The following HECW1 variants were observed in gnomAD, a reference collection of about 807,000 sequenced individuals.
HECW1 encodes the protein HECT, C2 and WW domain containing E3 ubiquitin protein ligase 1.
A neutral mutation model predicts 182.3 loss-of-function variants in HECW1; 61 were observed. The observed-to-expected ratio is 0.33, with a 90% CI of 0.27 to 0.41. The LOEUF (loss-of-function observed/expected upper bound fraction) is 0.41, where lower values mean the gene tolerates loss of function less well. Among genes scored for constraint, HECW1 ranks in the 10% least tolerant of loss-of-function variants. The probability of loss-of-function intolerance (pLI) is 1.00; values close to 1 mark genes in which losing one functional copy is unlikely to be tolerated. For synonymous variants in HECW1, 859 were observed against 832.6 expected (o/e 1.03, Z -0.55); for missense variants, 1,739 against 2,108.9 (o/e 0.82, Z 3.44).
At chr7:43,217,840 G>T (rs1192806813) in intron 2 of HECW1, among the ~76,000 whole-genome samples, 2 of 152,210 alleles carry the variant, frequency 1.3e-5, no homozygotes, top group African/African-American at 2.4e-5. Flanking sequence ...TGGTCACTGA[G>T]CATCTAATTA....
chr7:43,434,631 C>T (rs910436400), intron 8 of HECW1, among the ~76,000 whole-genome samples: 1 of 152,192 alleles, frequency 6.6e-6, no homozygotes, highest in Admixed American at 6.5e-5. Flanking sequence ...TAGTTCTTAA[C>T]AGAGCCTGAC....
At position 43,243,014 on chromosome 7, in the gene HECW1, C is replaced by T. The variant is rs2152719278; in HGVS notation, c.-31-861C>T. Among the ~76,000 whole-genome samples the T allele has an allele frequency of 6.6e-6, 1 of 152,202 alleles. No homozygotes were observed. The highest frequency in any genetic ancestry group is 1.9e-4 in the East Asian group (1 of 5,190). ...ATGCAAGCTTGCTACTTGTTTCTTA[C>T]ACGACTTCATTTGTCAGCAAAGCTT... is the stretch of plus-strand genomic sequence containing the variant. On this transcript the variant is annotated intron_variant, in intron 2 of 29. Coordinates refer to ENST00000395891, the MANE Select transcript of HECW1 (RefSeq NM_015052.5). The surrounding 1 kb of genome is among the most constrained non-coding windows in gnomAD (Gnocchi z 4.0).
intron 24 of HECW1, among the ~76,000 whole-genome samples, chr7:43,524,105 A>G (rs2080654547): frequency 6.6e-6 from 1 of 152,222 alleles, no homozygotes; most frequent in Admixed American, 6.5e-5. Context: ...CCCACCCCAT[A>G]GAGTCTGATC....
At chr7:43,137,101 A>G (rs911888640) in intron 2 of HECW1, among the ~76,000 whole-genome samples, 1 of 152,206 alleles carries the variant, frequency 6.6e-6, no homozygotes, top group African/African-American at 2.4e-5. Flanking sequence ...GAGGTTATCC[A>G]GAATTCCACT....
chr7:43,430,594 G>A (rs139633905), intron 8 of HECW1, among the ~76,000 whole-genome samples: 15 of 152,174 alleles, frequency 9.9e-5, no homozygotes, highest in African/African-American at 2.4e-4. Flanking sequence ...TGTTTAAGCC[G>A]ATTTGTCTAT....
chr7:43,276,009 G>A (rs1321348455), intron 3 of HECW1, among the ~76,000 whole-genome samples: 1 of 152,164 alleles, frequency 6.6e-6, no homozygotes, highest in Non-Finnish European at 1.5e-5. Context: ...CAGAGGCAGA[G>A]GTTTAAGGAA....
At chr7:43,480,657 GTA>G (rs1262308104) in intron 17 of HECW1, among the ~76,000 whole-genome samples, 3 of 148,116 alleles carry the variant, frequency 2.0e-5, no homozygotes, top group Admixed American at 6.7e-5. Context: ...GTGTGTGTGT[GTA>G]TATATATACA....
chr7:43,143,294 A>G (rs996227742), intron 2 of HECW1, among the ~76,000 whole-genome samples: 2 of 150,610 alleles, frequency 1.3e-5, no homozygotes, highest in East Asian at 4.0e-4. Flanking sequence ...TTTTTTATAT[A>G]TTGTTTTGAG....
chr7:43,112,895 C>A lies in HECW1; in HGVS notation c.-309C>A. 1 of 221,210 alleles carries A rather than the reference C, an allele frequency of 4.5e-6. No individual in the cohort carries two copies. Among genetic ancestry groups the A allele is most frequent in the Non-Finnish European group, 9.1e-6 (1 of 110,336 alleles). The allele number at this position is 221,210 out of a possible 1,614,324, so 13.7% of individuals were successfully genotyped here. A position where few individuals can be genotyped will look rare whatever the true frequency, so the allele number is the denominator to read the frequency against. ...GTGCGCCCCCCAGCTCTAATCTGCG[C>A]GCTGACAGGAGCATGATCTGTGCCC... On this transcript the variant is annotated 5_prime_UTR_variant, in exon 1 of 30. Transcript: ENST00000395891.
intron 3 of HECW1, among the ~76,000 whole-genome samples, chr7:43,277,757 A>T (rs2152745460): frequency 6.6e-6 from 1 of 151,592 alleles, no homozygotes; most frequent in East Asian, 1.9e-4. Context: ...GTTCCTTCCT[A>T]CTCCCTCAGT....
intron 2 of HECW1, among the ~76,000 whole-genome samples, chr7:43,225,114 C>T (rs1797309018): frequency 6.6e-6 from 1 of 152,152 alleles, no homozygotes; most frequent in South Asian, 2.1e-4. Context: ...TGTCAGGGGC[C>T]TGGAGATCCT....
At chr7:43,542,081 A>G in intron 26 of HECW1, 83 bp downstream of exon 26, 1 of 1,236,268 alleles carries the variant, frequency 8.1e-7, no homozygotes, top group East Asian at 2.8e-5. Context: ...CATCTTAATC[A>G]TTTTTAAGTG....
At chr7:43,354,624 A>G (rs561769711) in intron 5 of HECW1, among the ~76,000 whole-genome samples, 22 of 152,188 alleles carry the variant, frequency 1.4e-4, no homozygotes, top group Non-Finnish European at 2.9e-4. Context: ...GAAAAAAGAA[A>G]AAACAATAAA....
At chr7:43,534,029 C>T (rs763625100) in intron 24 of HECW1, among the ~76,000 whole-genome samples, 2 of 152,092 alleles carry the variant, frequency 1.3e-5, no homozygotes, top group African/African-American at 2.4e-5. Context: ...AGTTTAATGC[C>T]GGGAAATCAA....
intron 2 of HECW1, among the ~76,000 whole-genome samples, chr7:43,172,871 G>T (rs1791832112): frequency 6.6e-6 from 1 of 152,156 alleles, no homozygotes; most frequent in Non-Finnish European, 1.5e-5. Flanking sequence ...TTTTACTCAG[G>T]ATAGAACAAA....
At chr7:43,199,047 G>A (rs1425605388) in intron 2 of HECW1, among the ~76,000 whole-genome samples, 2 of 152,176 alleles carry the variant, frequency 1.3e-5, no homozygotes, top group Non-Finnish European at 2.9e-5. Context: ...ATATAAGAGA[G>A]TCCAAATATC....
rs925113716 is a variant in HECW1 at position 43,131,127 on chromosome 7, G to A, written c.-32+16736G>A. ...CTAAAAATACAAAAATTAGATGGGC[G>A]TGGTGGCACACGCGTGTAATCCCAG... On this transcript the variant is annotated intron_variant, in intron 2 of 29. Coordinates refer to ENST00000395891, the MANE Select transcript of HECW1 (RefSeq NM_015052.5). 3.3e-5 allele frequency among the ~76,000 whole-genome samples: 5 copies of A among 152,130 alleles called. No homozygotes were observed. The East Asian group carries it at 7.7e-4, about 23-fold the overall frequency.
chr7:43,505,928 A>T (rs1330461382), intron 21 of HECW1, among the ~76,000 whole-genome samples: 1 of 152,236 alleles, frequency 6.6e-6, no homozygotes, highest in East Asian at 1.9e-4. Flanking sequence ...AGTACCTGGA[A>T]TATAGTAAGT....
intron 2 of HECW1, among the ~76,000 whole-genome samples, chr7:43,127,393 C>G (rs1017020043): frequency 1.3e-4 from 20 of 152,056 alleles, no homozygotes; most frequent in Admixed American, 1.3e-3. Flanking sequence ...TGTGGTGGCG[C>G]ATGCCTGTAA....
Sources: allele counts gnomAD v4.1 joint callset (sites outside exome capture counted in the v4.1 genomes callset), GRCh38; gene constraint gnomAD v4.1.1; non-coding constraint Gnocchi (gnomAD v3.1); transcripts MANE v1.5; gene names NCBI Gene and HGNC (gene_info 2026-07-23, HGNC 2026-07-21).